The following KCNK12 variants were observed in gnomAD, a reference collection of about 807,000 sequenced individuals.
The protein encoded by KCNK12 is potassium two pore domain channel subfamily K member 12.
In KCNK12, 6 loss-of-function variants were observed where a neutral mutation model predicts 25.3. That is an observed-to-expected ratio of 0.24 (90% CI 0.13 to 0.47). KCNK12 has a LOEUF of 0.47. Among genes scored for constraint, KCNK12 ranks in the 20% least tolerant of loss-of-function variants. The pLI is 0.99. For missense variants in KCNK12, 444 were observed against 661.7 expected, an observed-to-expected ratio of 0.67 and a Z score of 3.61; for synonymous variants, 331 against 311.1, an observed-to-expected ratio of 1.06 and a Z score of -0.67.
Position 47,562,157 on chromosome 2 carries a change from C to T in KCNK12, c.391+7784G>A. 2.5e-6 allele frequency: 1 copy of T among 398,652 alleles called. No individual in the cohort carries two copies. Among genetic ancestry groups the T allele is most frequent in the South Asian group, 1.3e-4 (1 of 7,854 alleles). 24.7% of individuals were successfully genotyped at this position (398,652 alleles called of 1,614,324 possible). ...GGAATGCAGACTGTCAGGTCCCACC[C>T]CAGACCTACTCAACAGAAACTACTT... is the stretch of plus-strand genomic sequence containing the variant. On this transcript the variant is annotated intron_variant, in intron 1 of 1. Transcript: ENST00000327876. The surrounding 1 kb of genome is among the most constrained non-coding windows in gnomAD (Gnocchi z 4.8).
intron 1 of KCNK12, among the ~76,000 whole-genome samples, chr2:47,544,535 T>C (rs192993029): frequency 2.6e-5 from 4 of 152,362 alleles, no homozygotes; most frequent in African/African-American, 7.2e-5. Context: ...GTCTAACTCA[T>C]AGATTGCAAA....
rs1279527257 is a variant in KCNK12, at chr2:47,548,351, C to T, written c.391+21590G>A. Among the ~76,000 whole-genome samples, 3 of 152,150 alleles carry T rather than the reference C, an allele frequency of 2.0e-5. No homozygotes were observed. The highest frequency in any genetic ancestry group is 4.4e-5 in the Non-Finnish European group (3 of 68,038). ...GCCTATCCACTATCTAACTGGCACC[C>T]GGCTTGGAAGTGGAAAAGTCATTTC... On this transcript the variant is annotated intron_variant, in intron 1 of 1. Transcript: ENST00000327876. This position sits in a 1 kb window ranked among gnomAD's most constrained non-coding sequence, Gnocchi z 4.4.
At chr2:47,535,325 A>G (rs1250767275) in intron 1 of KCNK12, 1 of 232,958 alleles carries the variant, frequency 4.3e-6, no homozygotes, top group Non-Finnish European at 8.5e-6. Flanking sequence ...GGCTGCCCAC[A>G]GCACCTCAGC....
chr2:47,566,060 G>A lies in KCNK12; in HGVS notation c.391+3881C>T, dbSNP rs1463249630. On this transcript the variant is annotated intron_variant, in intron 1 of 1. Coordinates refer to ENST00000327876, the MANE Select transcript of KCNK12 (RefSeq NM_022055.2). This position sits in a 1 kb window ranked among gnomAD's most constrained non-coding sequence, Gnocchi z 4.1. ...GGATTTCAGTTCAGTGTAAGCAATCGGTATGAATAATTTAGACCACAAAGT... is the reference window on the plus strand; with the variant it reads ...GGATTTCAGTTCAGTGTAAGCAATCAGTATGAATAATTTAGACCACAAAGT... 1 of 152,184 alleles carries A rather than the reference G, an allele frequency of 6.6e-6. No homozygotes were observed. Among genetic ancestry groups the A allele is most frequent in the African/African-American group, 2.4e-5 (1 of 41,434 alleles). 9.4% of individuals were successfully genotyped at this position (152,184 alleles called of 1,614,324 possible). A position where few individuals can be genotyped will look rare whatever the true frequency, so the allele number is the denominator to read the frequency against.
intron 1 of KCNK12, among the ~76,000 whole-genome samples, chr2:47,522,264 G>A (rs1194811383): frequency 2.0e-5 from 3 of 152,090 alleles, no homozygotes; most frequent in Non-Finnish European, 4.4e-5. Context: ...GGTGAGTTTT[G>A]TTGGGTGAAT....
rs61212083 is a variant in KCNK12 at position 47,529,680 on chromosome 2, A to G, written c.392-7872T>C. 3.2e-3 allele frequency among the ~76,000 whole-genome samples: 484 copies of G among 152,318 alleles called. 3 individuals are homozygous for G. The highest frequency in any genetic ancestry group is 0.011 in the African/African-American group (463 of 41,560). On this transcript the variant is annotated intron_variant, in intron 1 of 1. Transcript: ENST00000327876. The surrounding 1 kb of genome is among the most constrained non-coding windows in gnomAD (Gnocchi z 4.3). Reference sequence around the variant, plus strand: ...CTCAAGAATGGGTAGACCTAAGTCAATCAGTGCAGAGCATTTTCATGACTA... The same window carrying G: ...CTCAAGAATGGGTAGACCTAAGTCAGTCAGTGCAGAGCATTTTCATGACTA...
intron 1 of KCNK12, chr2:47,535,257 A>G (rs17502941): frequency 0.51 from 119,526 of 232,922 alleles, 32,910 homozygotes; most frequent in African/African-American, 0.76. Flanking sequence ...AGGCCCACGG[A>G]GAGCTGTGTG....
intron 1 of KCNK12, among the ~76,000 whole-genome samples, chr2:47,559,839 G>A (rs1395809986): frequency 6.6e-6 from 1 of 152,178 alleles, no homozygotes; most frequent in African/African-American, 2.4e-5. Flanking sequence ...CATTTGAGCT[G>A]GATCTTGAAG....
intron 1 of KCNK12, among the ~76,000 whole-genome samples, chr2:47,545,448 T>G (rs1033485168): frequency 6.6e-6 from 1 of 152,086 alleles, no homozygotes; most frequent in African/African-American, 2.4e-5. Flanking sequence ...TGTCAGAGAG[T>G]GGACCCTTTG....
chr2:47,527,555 C>T (rs932341923), intron 1 of KCNK12: 3 of 152,424 alleles, frequency 2.0e-5, no homozygotes, highest in African/African-American at 7.2e-5. Context: ...CCTGCCTGAC[C>T]TACTCTTGTG....
At position 47,555,150 on chromosome 2, in the gene KCNK12, T is replaced by C. The variant is rs1257006137; in HGVS notation, c.391+14791A>G. Among the ~76,000 whole-genome samples, 3 of 152,190 alleles carry C rather than the reference T, an allele frequency of 2.0e-5. No homozygotes were observed. The highest frequency in any genetic ancestry group is 4.8e-5 in the African/African-American group (2 of 41,444). On this transcript the variant is annotated intron_variant, in intron 1 of 1. Transcript: ENST00000327876. The surrounding 1 kb of genome is among the most constrained non-coding windows in gnomAD (Gnocchi z 4.5). ...GATGTCAAGTGGGCAGTTGGACCCA[T>C]GGTTCTGAAGCTTAGTGTAGAAGAT... is the stretch of plus-strand genomic sequence containing the variant.
chr2:47,567,550 T>A (rs760082203), intron 1 of KCNK12, among the ~76,000 whole-genome samples: 1 of 152,222 alleles, frequency 6.6e-6, no homozygotes, highest in Non-Finnish European at 1.5e-5. Flanking sequence ...GCAGAACTTA[T>A]CTGACTGATG....
intron 1 of KCNK12, among the ~76,000 whole-genome samples, chr2:47,550,544 G>C (rs1362999196): frequency 1.3e-5 from 2 of 151,670 alleles, no homozygotes; most frequent in South Asian, 2.1e-4. Flanking sequence ...CACCATGCCC[G>C]GCTAATTTTT....
rs1166871615 is a variant in KCNK12 at position 47,512,817 on chromosome 2, C to G, written c.*8090G>C. The G allele has an allele frequency of 5.4e-6, 1 of 186,358 alleles. No individual in the cohort carries two copies. Among genetic ancestry groups the G allele is most frequent in the African/African-American group, 2.4e-5 (1 of 42,320 alleles). 11.5% of individuals were successfully genotyped at this position (186,358 alleles called of 1,614,324 possible). On this transcript the variant is annotated 3_prime_UTR_variant, in exon 2 of 2. Transcript: ENST00000327876. ...AGAGGAAGGGACTCACTTCCTGTTT[C>G]CAGCTGAAGTCTAAATCAATCCACT...
Position 47,551,471 on chromosome 2 carries a change from C to T in KCNK12, c.391+18470G>A, listed in dbSNP as rs531036840. Reference sequence around the variant, plus strand: ...TCTCCCCCAACTAGAATGTTAGCTCCATAAGCTAGGGACTTTGTCTACTTG... The same window carrying T: ...TCTCCCCCAACTAGAATGTTAGCTCTATAAGCTAGGGACTTTGTCTACTTG... On this transcript the variant is annotated intron_variant, in intron 1 of 1. Transcript: ENST00000327876. This position sits in a 1 kb window ranked among gnomAD's most constrained non-coding sequence, Gnocchi z 5.3. Among the ~76,000 whole-genome samples the T allele has an allele frequency of 4.0e-4, 61 of 152,306 alleles. 1 individual carries two copies. Among genetic ancestry groups the T allele is most frequent in the Non-Finnish European group, 8.5e-4 (58 of 68,020 alleles).
At chr2:47,536,552 T>C (rs1218311670) in intron 1 of KCNK12, among the ~76,000 whole-genome samples, 2 of 152,150 alleles carry the variant, frequency 1.3e-5, no homozygotes, top group African/African-American at 4.8e-5. Flanking sequence ...GTGCCAGACA[T>C]GAGGGCAGGG....
chr2:47,557,795 C>T lies in KCNK12; in HGVS notation c.391+12146G>A, dbSNP rs993206649. 6.6e-6 allele frequency among the ~76,000 whole-genome samples: 1 copy of T among 152,132 alleles called. No homozygotes were observed. Among genetic ancestry groups the T allele is most frequent in the East Asian group, 1.9e-4 (1 of 5,190 alleles). On this transcript the variant is annotated intron_variant, in intron 1 of 1. Transcript: ENST00000327876. This position sits in a 1 kb window ranked among gnomAD's most constrained non-coding sequence, Gnocchi z 4.9. ...GTTATATACTCTGCTGAACTGCCTT[C>T]TGGGTCATGTATATTGCTCACTAAT... is the stretch of plus-strand genomic sequence containing the variant.
At position 47,511,320 on chromosome 2, in the gene KCNK12, C is replaced by A. The variant is rs1305630353; in HGVS notation, c.*9587G>T. 1.3e-5 allele frequency among the ~76,000 whole-genome samples: 2 copies of A among 152,168 alleles called. No homozygotes were observed. Among genetic ancestry groups the A allele is most frequent in the Non-Finnish European group, 2.9e-5 (2 of 68,038 alleles). On this transcript the variant is annotated 3_prime_UTR_variant, in exon 2 of 2. Transcript: ENST00000327876. This position sits in a 1 kb window ranked among gnomAD's most constrained non-coding sequence, Gnocchi z 4.3. The stretch of plus-strand genomic sequence containing the variant: ...AAATGTGTGAGTTGAAGGGAGCAAC[C>A]TCATGAGGTTTTGCTTTGTGTCTTA...
chr2:47,546,592 G>C (rs889001204), intron 1 of KCNK12, among the ~76,000 whole-genome samples: 1 of 152,312 alleles, frequency 6.6e-6, no homozygotes, highest in Admixed American at 6.5e-5. Flanking sequence ...GGGAGGTTGA[G>C]GCTGCAGTAA....
Sources: allele counts gnomAD v4.1 joint callset (sites outside exome capture counted in the v4.1 genomes callset), GRCh38; gene constraint gnomAD v4.1.1; non-coding constraint Gnocchi (gnomAD v3.1); transcripts MANE v1.5; gene names NCBI Gene and HGNC (gene_info 2026-07-23, HGNC 2026-07-21).